The following CECR2 variants were observed in gnomAD, a reference collection of about 807,000 sequenced individuals.
CECR2 encodes chromatin remodeling regulator CECR2.
A neutral mutation model predicts 154.5 loss-of-function variants in CECR2; 30 were observed. The observed-to-expected ratio is 0.19, with a 90% CI of 0.15 to 0.26. CECR2 has a LOEUF of 0.26. Ranked by LOEUF, CECR2 falls within the 10% of genes least tolerant of loss-of-function variation. The pLI is 1.00. For synonymous variants in CECR2, 725 were observed against 683.7 expected (o/e 1.06, Z -0.94); for missense variants, 1,743 against 1,829.3 (o/e 0.95, Z 0.86).
intron 8 of CECR2, among the ~76,000 whole-genome samples, chr22:17,520,631 G>C (rs1315937943): frequency 6.6e-6 from 1 of 151,936 alleles, no homozygotes; most frequent in African/African-American, 2.4e-5. Context: ...GTGCCCAAGT[G>C]TTCTCATTGT....
chr22:17,492,341 G>C (rs1347620092), intron 2 of CECR2, among the ~76,000 whole-genome samples: 2 of 152,132 alleles, frequency 1.3e-5, no homozygotes, highest in Non-Finnish European at 2.9e-5. Flanking sequence ...TCCCCAAACA[G>C]GGTGCAGATA....
intron 16 of CECR2, among the ~76,000 whole-genome samples, chr22:17,546,343 C>T (rs188431993): frequency 0.011 from 1,669 of 151,842 alleles, 22 homozygotes; most frequent in African/African-American, 0.038. Flanking sequence ...AAAAATTAGC[C>T]AGCATGGTGT....
Position 17,511,870 on chromosome 22 carries a change from C to A in CECR2, c.928C>A (p.Leu310Met). 5.0e-6 allele frequency: 8 copies of A among 1,611,688 alleles called. No individual in the cohort carries two copies. The highest frequency in any genetic ancestry group is 6.8e-6 in the Non-Finnish European group (8 of 1,178,488). The change falls in exon 8 of 19, where the codon CTG becomes ATG. Residue 310 changes from leucine to methionine, a missense_variant. Coordinates refer to ENST00000262608, the MANE Select transcript of CECR2 (RefSeq NM_001290047.2). ...ELHPRWMSDH[L>M]SIKPVKQEET... is the part of the protein sequence containing the mutation. The stretch of plus-strand genomic sequence containing the variant: ...GCATCCTAGGTGGATGTCTGACCAC[C>A]TGTCCATCAAACCCGTCAAGCAAGA...
At chr22:17,462,224 G>A (rs1434865213) in intron 1 of CECR2, among the ~76,000 whole-genome samples, 1 of 151,782 alleles carries the variant, frequency 6.6e-6, no homozygotes, top group Non-Finnish European at 1.5e-5. Context: ...CTAATACGGT[G>A]AAACCCTGTC....
chr22:17,536,598 T>G (rs1391850419), intron 9 of CECR2, among the ~76,000 whole-genome samples: 1 of 152,216 alleles, frequency 6.6e-6, no homozygotes. Flanking sequence ...ATTGCTTGCA[T>G]GGATGCCTTC....
chr22:17,517,896 A>G (rs174300), intron 8 of CECR2, among the ~76,000 whole-genome samples: 21,377 of 152,220 alleles, frequency 0.14, 1,950 homozygotes, highest in Non-Finnish European at 0.2. Context: ...AATATTTAAA[A>G]CAATAGGAAG....
chr22:17,505,076 G>C, intron 7 of CECR2, 60 bp downstream of exon 7: 1 of 1,526,196 alleles, frequency 6.6e-7, no homozygotes, highest in Non-Finnish European at 8.9e-7. Flanking sequence ...CATTATTTAA[G>C]GATTATTCAT....
At chr22:17,382,813 G>A (rs1254037373) in intron 1 of CECR2, among the ~76,000 whole-genome samples, 1 of 152,126 alleles carries the variant, frequency 6.6e-6, no homozygotes, top group Non-Finnish European at 1.5e-5. Context: ...GCTGAGATGG[G>A]AGGATCGCTT....
intron 1 of CECR2, among the ~76,000 whole-genome samples, chr22:17,449,392 G>C (rs1357141420): frequency 6.6e-6 from 1 of 151,266 alleles, no homozygotes; most frequent in African/African-American, 2.4e-5. Context: ...GTACTGTCTT[G>C]GTAATTGGCA....
chr22:17,547,458 C>T (rs548761758), intron 16 of CECR2, among the ~76,000 whole-genome samples: 17 of 152,274 alleles, frequency 1.1e-4, no homozygotes, highest in Admixed American at 1.1e-3. Context: ...TCTCAATCTC[C>T]TGACCTCGTG....
intron 1 of CECR2, among the ~76,000 whole-genome samples, chr22:17,457,270 A>G (rs955835342): frequency 1.3e-5 from 2 of 152,036 alleles, no homozygotes; most frequent in South Asian, 4.2e-4. Context: ...CAGGTGATCC[A>G]CCCGCCTCGG....
chr22:17,548,189 G>C lies in CECR2; in HGVS notation c.2902G>C (p.Gly968Arg). The C allele has an allele frequency of 6.3e-7, 1 of 1,579,802 alleles. No homozygotes were observed. The highest frequency in any genetic ancestry group is 1.4e-5 in the African/African-American group (1 of 73,310). The change falls in exon 17 of 19, where the codon GGT becomes CGT. Residue 968 changes from glycine to arginine, a missense_variant. Gly to Arg is a moderately radical substitution (Grantham distance 125). Transcript: ENST00000262608. ...PGLEEKPPGV[G>R]TSEGVYLTQL... ...CCTTGAAGAGAAACCACCAGGTGTTGGTACTTCAGAGGGGGTCTACCTCAC... is the reference window on the plus strand; with the variant it reads ...CCTTGAAGAGAAACCACCAGGTGTTCGTACTTCAGAGGGGGTCTACCTCAC...
At chr22:17,437,536 T>G (rs1294331751) in intron 1 of CECR2, among the ~76,000 whole-genome samples, 1 of 152,182 alleles carries the variant, frequency 6.6e-6, no homozygotes, top group Non-Finnish European at 1.5e-5. Flanking sequence ...GATCATATGA[T>G]ATTTCTTTTT....
chr22:17,421,078 C>T (rs530233337), intron 1 of CECR2, among the ~76,000 whole-genome samples: 1 of 152,160 alleles, frequency 6.6e-6, no homozygotes, highest in East Asian at 1.9e-4. Flanking sequence ...TGAACACACC[C>T]ATTAGCTAAG....
At chr22:17,530,652 G>T (rs1050398074) in intron 9 of CECR2, among the ~76,000 whole-genome samples, 2 of 151,804 alleles carry the variant, frequency 1.3e-5, no homozygotes, top group Non-Finnish European at 2.9e-5. Flanking sequence ...ATTCCAGCCT[G>T]GGCAACAGAG....
At chr22:17,471,057 T>C (rs2055119289) in intron 1 of CECR2, among the ~76,000 whole-genome samples, 1 of 152,172 alleles carries the variant, frequency 6.6e-6, no homozygotes, top group African/African-American at 2.4e-5. Flanking sequence ...ATTTTATCTG[T>C]AAGAGTCATG....
At position 17,554,256 on chromosome 22, in the gene CECR2, CT is replaced by C. The variant is rs1359038638; in HGVS notation, c.*1417del. The C allele has an allele frequency of 6.6e-6, 1 of 152,066 alleles. No individual in the cohort carries two copies. Among genetic ancestry groups the C allele is most frequent in the East Asian group, 1.9e-4 (1 of 5,192 alleles). 9.4% of individuals were successfully genotyped at this position (152,066 alleles called of 1,614,324 possible). On this transcript the variant is annotated 3_prime_UTR_variant, in exon 19 of 19. Coordinates refer to ENST00000262608, the MANE Select transcript of CECR2 (RefSeq NM_001290047.2). ...TTTGAATATTCCACAAAAGAAAAAA[CT>C]AAGGAAAATACTGAAATTACAGGTC...
intron 1 of CECR2, among the ~76,000 whole-genome samples, chr22:17,463,044 A>G (rs974466652): frequency 3.3e-5 from 5 of 152,240 alleles, no homozygotes; most frequent in Non-Finnish European, 7.3e-5. Context: ...CATATAATCA[A>G]TAGCTGGTAG....
chr22:17,479,436 T>G (rs142985264), intron 2 of CECR2, among the ~76,000 whole-genome samples: 1 of 152,320 alleles, frequency 6.6e-6, no homozygotes, highest in African/African-American at 2.4e-5. Flanking sequence ...TTGCCAGTTA[T>G]GTAATTACAA....
Sources: gnomAD v4.1 joint callset for allele counts (sites outside exome capture counted in the v4.1 genomes callset) on GRCh38, gnomAD v4.1.1 for gene constraint, MANE v1.5 for transcripts, NCBI Gene and HGNC (gene_info 2026-07-23, HGNC 2026-07-21) for gene names.